The following MGAT5B variants were observed in gnomAD, a reference collection of about 807,000 sequenced individuals.
MGAT5B encodes the protein N-acetylglucosaminyl-transferase Vb.
A neutral mutation model predicts 95.1 loss-of-function variants in MGAT5B; 54 were observed. The ratio of observed to expected loss-of-function variants is 0.57; its 90% CI spans 0.46 to 0.71. The LOEUF is 0.71. MGAT5B is among the 30% of genes least tolerant of loss of function. MGAT5B has a pLI of 0.00. For synonymous variants in MGAT5B, 464 were observed against 451.0 expected (o/e 1.03, Z -0.36); for missense variants, 935 against 1,088.6 (o/e 0.86, Z 1.99).
At chr17:76,939,657 C>T (rs537474513) in intron 13 of MGAT5B, among the ~76,000 whole-genome samples, 8 of 152,224 alleles carry the variant, frequency 5.3e-5, no homozygotes, top group African/African-American at 9.6e-5. Flanking sequence ...TTAATTCTTC[C>T]GTCTTTACCC....
rs996264592 is a variant in MGAT5B, at chr17:76,916,980, C to T, written c.1026-7986C>T. Among the ~76,000 whole-genome samples, 4 of 152,080 alleles carry T rather than the reference C, an allele frequency of 2.6e-5. No individual in the cohort carries two copies. The highest frequency in any genetic ancestry group is 1.9e-4 in the East Asian group (1 of 5,190). ...TGGGGCTTTTTATTCTGGGTGAAGC[C>T]GGCAGAAGCACAGGGTGGTACGAAT... On this transcript the variant is annotated intron_variant, in intron 8 of 17. Coordinates refer to ENST00000569840, the MANE Select transcript of MGAT5B (RefSeq NM_001199172.2). The surrounding 1 kb of genome is among the most constrained non-coding windows in gnomAD (Gnocchi z 5.3).
In MGAT5B at chr17:76,938,842, C is replaced by G. The variant is rs1311845792; in HGVS notation, c.1584+699C>G. 6.6e-6 allele frequency among the ~76,000 whole-genome samples: 1 copy of G among 151,978 alleles called. No homozygotes were observed. Among genetic ancestry groups the G allele is most frequent in the East Asian group, 1.9e-4 (1 of 5,156 alleles). On this transcript the variant is annotated intron_variant, in intron 13 of 17. Coordinates refer to ENST00000569840, the MANE Select transcript of MGAT5B (RefSeq NM_001199172.2). The surrounding 1 kb of genome is among the most constrained non-coding windows in gnomAD (Gnocchi z 4.3). The stretch of plus-strand genomic sequence containing the variant: ...TATTGGCATACACCACCACACCTGG[C>G]TAATTTTTAAATTTTTTGTAGAGAT...
intron 3 of MGAT5B, among the ~76,000 whole-genome samples, chr17:76,896,582 A>T (rs1968071900): frequency 6.6e-6 from 1 of 152,188 alleles, no homozygotes; most frequent in Non-Finnish European, 1.5e-5. Context: ...TTGGCCTCAC[A>T]GCTTATCCTC....
At chr17:76,894,768 C>T (rs1394884953) in intron 3 of MGAT5B, among the ~76,000 whole-genome samples, 2 of 150,272 alleles carry the variant, frequency 1.3e-5, no homozygotes, top group Admixed American at 1.3e-4. Context: ...GCAAAGAATT[C>T]ATTGAACCCA....
chr17:76,926,188 C>A (rs1167593903), intron 9 of MGAT5B, among the ~76,000 whole-genome samples: 3 of 152,134 alleles, frequency 2.0e-5, no homozygotes, highest in Non-Finnish European at 4.4e-5. Context: ...GGGTGTCAGG[C>A]TCCTGAGAAG....
At chr17:76,878,589 C>A (rs898901020) in intron 2 of MGAT5B, among the ~76,000 whole-genome samples, 9 of 152,148 alleles carry the variant, frequency 5.9e-5, no homozygotes, top group African/African-American at 1.9e-4. Context: ...ATCCTCCCAC[C>A]TCAGCCCTGA....
In MGAT5B at chr17:76,918,352, A is replaced by T. The variant is rs370974351; in HGVS notation, c.1026-6614A>T. ...TGGCAGTTCTCAGCTGTAGCCCTGA[A>T]CCCTCGAGGGCACAGGGTACATGCT... On this transcript the variant is annotated intron_variant, in intron 8 of 17. Coordinates refer to ENST00000569840, the MANE Select transcript of MGAT5B (RefSeq NM_001199172.2). The surrounding 1 kb of genome is among the most constrained non-coding windows in gnomAD (Gnocchi z 5.1). 3.9e-5 allele frequency among the ~76,000 whole-genome samples: 6 copies of T among 151,986 alleles called. No homozygotes were observed. In the East Asian group the frequency reaches 9.7e-4, roughly 24 times the overall value.
chr17:76,885,866 T>C (rs574523380), intron 3 of MGAT5B, among the ~76,000 whole-genome samples: 21 of 152,252 alleles, frequency 1.4e-4, no homozygotes, highest in Non-Finnish European at 2.9e-4. Flanking sequence ...CCGGCAAGAA[T>C]CCTGCAGGAG....
intron 1 of MGAT5B, 101 bp from the exon 2 acceptor site, chr17:76,872,750 A>G (rs1467327410): frequency 6.2e-7 from 1 of 1,600,742 alleles, no homozygotes; most frequent in East Asian, 2.2e-5. Context: ...TCCTTCACTC[A>G]TGCACTCATT....
intron 12 of MGAT5B, among the ~76,000 whole-genome samples, chr17:76,933,948 G>A (rs1430436720): frequency 6.6e-6 from 1 of 152,086 alleles, no homozygotes; most frequent in Non-Finnish European, 1.5e-5. Context: ...AGCCAACAAG[G>A]AGAAGGAAGG....
intron 3 of MGAT5B, among the ~76,000 whole-genome samples, chr17:76,900,610 C>A (rs1968270361): frequency 6.6e-6 from 1 of 152,202 alleles, no homozygotes; most frequent in Non-Finnish European, 1.5e-5. Context: ...GGGAGGGAGG[C>A]CTGGGGGAGG....
At chr17:76,920,071 TG>T (rs1273481527) in intron 8 of MGAT5B, among the ~76,000 whole-genome samples, 2 of 152,194 alleles carry the variant, frequency 1.3e-5, no homozygotes, top group African/African-American at 4.8e-5. Flanking sequence ...TCATCTGGCC[TG>T]GGGACACTCA....
intron 2 of MGAT5B, among the ~76,000 whole-genome samples, chr17:76,876,698 A>C (rs1967204862): frequency 6.6e-6 from 1 of 152,182 alleles, no homozygotes. Flanking sequence ...TTTATACTTC[A>C]TGATAAACTG....
In MGAT5B at chr17:76,948,988, G is replaced by A; in HGVS notation, c.*150G>A. 1.1e-6 allele frequency: 1 copy of A among 929,706 alleles called. No homozygotes were observed. The highest frequency in any genetic ancestry group is 1.7e-5 in the South Asian group (1 of 57,358). The allele number at this position is 929,706 out of a possible 1,614,324, so 57.6% of individuals were successfully genotyped here. The stretch of plus-strand genomic sequence containing the variant: ...CCTTAGCCGGGAAGCTGGCAGAGGA[G>A]AGCCGTGCCCGGGAATAGGAGGAGG... On this transcript the variant is annotated 3_prime_UTR_variant, in exon 18 of 18. Coordinates refer to ENST00000569840, the MANE Select transcript of MGAT5B (RefSeq NM_001199172.2).
At chr17:76,882,428 G>A in intron 3 of MGAT5B, 130 bp downstream of exon 3, 23 of 1,129,536 alleles carry the variant, frequency 2.0e-5, no homozygotes, top group Non-Finnish European at 2.4e-5. Flanking sequence ...GTACAGCCCA[G>A]AGTGCATTTC....
intron 1 of MGAT5B, 27 bp from the exon 2 acceptor site, chr17:76,872,824 C>A (rs1432351217): frequency 6.2e-7 from 1 of 1,614,214 alleles, no homozygotes; most frequent in Non-Finnish European, 8.5e-7. Context: ...TTCCTGCCCT[C>A]CTGACCCGCC....
chr17:76,948,833 C>T lies in MGAT5B; in HGVS notation c.2374C>T (p.Leu792=). The stretch of plus-strand genomic sequence containing the variant: ...CCAGGTGGCCTTGTGCCAGGGCTGT[C>T]TGTGAATCCGCCTCTGCCGCCCTGC... ...KGQVALCQGC[L] The change falls in exon 18 of 18, where the codon CTG becomes TTG. Residue 792 remains leucine, a synonymous_variant. Transcript: ENST00000569840. 6.3e-7 allele frequency: 1 copy of T among 1,593,902 alleles called. No homozygotes were observed. Among genetic ancestry groups the T allele is most frequent in the Non-Finnish European group, 8.5e-7 (1 of 1,171,530 alleles).
chr17:76,946,306 G>A (rs769564776), intron 15 of MGAT5B, 70 bp from the exon 16 acceptor site: 2 of 1,371,358 alleles, frequency 1.5e-6, no homozygotes, highest in Non-Finnish European at 1.0e-6. Flanking sequence ...CACCCCCAAT[G>A]CCGAGCATGG....
At chr17:76,923,309 C>T (rs977040431) in intron 8 of MGAT5B, among the ~76,000 whole-genome samples, 18 of 152,190 alleles carry the variant, frequency 1.2e-4, no homozygotes, top group African/African-American at 4.3e-4. Context: ...ATCACCTCCC[C>T]AGCCTGACTC....
Sources: gnomAD v4.1 joint callset for allele counts (sites outside exome capture counted in the v4.1 genomes callset) on GRCh38, gnomAD v4.1.1 for gene constraint, Gnocchi (gnomAD v3.1) non-coding constraint, MANE v1.5 for transcripts, NCBI Gene and HGNC (gene_info 2026-07-23, HGNC 2026-07-21) for gene names.